Variants in SAR1A observed in about 807,000 individuals in gnomAD.
SAR1A encodes the protein secretion associated Ras related GTPase 1A.
Under a neutral mutation model 22.6 loss-of-function variants are expected in SAR1A, and 6 were observed. The observed-to-expected ratio is 0.27, with a 90% CI of 0.15 to 0.52. The LOEUF (loss-of-function observed/expected upper bound fraction) is 0.52. Ranked by LOEUF, SAR1A falls within the 20% of genes least tolerant of loss-of-function variation. SAR1A has a pLI of 0.96. For synonymous variants in SAR1A, 70 were observed against 82.2 expected, an observed-to-expected ratio of 0.85 and a Z score of 0.80; for missense variants, 145 against 245.1, an observed-to-expected ratio of 0.59 and a Z score of 2.73.
In SAR1A at chr10:70,147,584, AT is replaced by A. The variant is rs1050507282; in HGVS notation, c.*4891del. On this transcript the variant is annotated 3_prime_UTR_variant, in exon 7 of 7. Coordinates refer to ENST00000373241, the MANE Select transcript of SAR1A (RefSeq NM_020150.5). ...TGTCCAAAAATAGCATTCTTTAAAT[AT>A]TTTTTCCAACCATTTAAATATGTAA... 2.0e-5 allele frequency: 3 copies of A among 152,164 alleles called. No homozygotes were observed. Among genetic ancestry groups the A allele is most frequent in the Non-Finnish European group, 2.9e-5 (2 of 68,030 alleles). 9.4% of individuals were successfully genotyped at this position (152,164 alleles called of 1,614,324 possible).
intron 1 of SAR1A, among the ~76,000 whole-genome samples, chr10:70,162,325 G>A (rs895733567): frequency 6.7e-6 from 1 of 149,468 alleles, no homozygotes; most frequent in African/African-American, 2.5e-5. Context: ...GCAACAGAGG[G>A]AGACTCTGAT....
chr10:70,156,348 A>C (rs1462057292), intron 5 of SAR1A, among the ~76,000 whole-genome samples: 1 of 152,166 alleles, frequency 6.6e-6, no homozygotes, highest in African/African-American at 2.4e-5. Context: ...TCCAAAATCA[A>C]GAGTGAAAAG....
chr10:70,160,965 T>C (rs545706799), intron 4 of SAR1A, 39 bp downstream of exon 4: 1 of 1,485,946 alleles, frequency 6.7e-7, no homozygotes, highest in Non-Finnish European at 9.2e-7. Flanking sequence ...ACAAAAAAAA[T>C]AAGTCAATAA....
rs1040800271 is a variant in SAR1A, at chr10:70,161,426, C to T, written c.178+193G>A. The T allele has an allele frequency of 2.2e-5, 14 of 633,254 alleles. No individual in the cohort carries two copies. In the African/African-American group the frequency reaches 2.6e-4, roughly 12 times the overall value. The allele number at this position is 633,254 out of a possible 1,614,324, so 39.2% of individuals were successfully genotyped here. ...TGTCCCTTTACAGGACCAGTGACAA[C>T]AGATAATGACAAAGTTCCAGAGGTT... On this transcript the variant is annotated intron_variant, in intron 3 of 6. Coordinates refer to ENST00000373241, the MANE Select transcript of SAR1A (RefSeq NM_020150.5).
intron 4 of SAR1A, among the ~76,000 whole-genome samples, chr10:70,160,710 A>G (rs141402159): frequency 9.4e-4 from 143 of 152,352 alleles, no homozygotes; most frequent in African/African-American, 2.8e-3. Flanking sequence ...GAGTTTGGCT[A>G]TATCAGGCAA....
chr10:70,161,507 T>C (rs1839467266), intron 3 of SAR1A, 112 bp downstream of exon 3: 11 of 1,291,704 alleles, frequency 8.5e-6, no homozygotes, highest in Admixed American at 4.6e-5. Flanking sequence ...CTCGTATGAG[T>C]TGGCTTTTGG....
chr10:70,153,809 T>TAA lies in SAR1A; in HGVS notation c.480+28_480+29insTT, dbSNP rs1242347321. ...TGTTTTAAAAACTGTTAATGTCCTTTATATGTAACCCAAATATTTTTCTCT... is the reference window on the plus strand; with the variant it reads ...TGTTTTAAAAACTGTTAATGTCCTTTAAATATGTAACCCAAATATTTTTCTCT... On this transcript the variant is annotated intron_variant, in intron 6 of 6. Transcript: ENST00000373241. 2.6e-6 allele frequency: 4 copies of TAA among 1,557,690 alleles called. No individual in the cohort carries two copies. In the African/African-American group the frequency reaches 5.6e-5, roughly 22 times the overall value.
chr10:70,164,437 T>C (rs1839519190), intron 1 of SAR1A, among the ~76,000 whole-genome samples: 1 of 152,180 alleles, frequency 6.6e-6, no homozygotes. Context: ...TTAAAGTAGT[T>C]TTCTTTAGGA....
At chr10:70,154,004 AG>A (rs1280786067) in intron 5 of SAR1A, 35 bp from the exon 6 acceptor site, 1 of 1,508,702 alleles carries the variant, frequency 6.6e-7, no homozygotes, top group Non-Finnish European at 8.9e-7. Context: ...AAGAAAAAAA[AG>A]AATTAAGTGA....
chr10:70,157,709 A>G, intron 5 of SAR1A, 55 bp downstream of exon 5: 1 of 1,321,052 alleles, frequency 7.6e-7, no homozygotes, highest in Non-Finnish European at 1.1e-6. Flanking sequence ...AAAAAAATAG[A>G]GGCCAAAAAA....
intron 1 of SAR1A, among the ~76,000 whole-genome samples, chr10:70,168,929 G>A (rs917430004): frequency 6.6e-6 from 1 of 152,040 alleles, no homozygotes; most frequent in Non-Finnish European, 1.5e-5. Flanking sequence ...AGGCTCAAGA[G>A]ATCCTCCCAC....
intron 1 of SAR1A, among the ~76,000 whole-genome samples, chr10:70,164,288 T>C (rs747888187): frequency 6.6e-6 from 1 of 152,260 alleles, no homozygotes; most frequent in Non-Finnish European, 1.5e-5. Flanking sequence ...CTTACTGTCA[T>C]TGCCCTGAAA....
Position 70,152,456 on chromosome 10 carries a change from T to C in SAR1A, c.*20A>G, listed in dbSNP as rs369021499. On this transcript the variant is annotated 3_prime_UTR_variant, in exon 7 of 7. Coordinates refer to ENST00000373241, the MANE Select transcript of SAR1A (RefSeq NM_020150.5). ...ATCAGTCCAGAGAAGTAAAACTCTT[T>C]TATTTTCACCGTCCAAACATCAGTC... 9.0e-6 allele frequency: 14 copies of C among 1,561,678 alleles called. No individual in the cohort carries two copies. The highest frequency in any genetic ancestry group is 1.2e-5 in the Non-Finnish European group (14 of 1,132,316).
chr10:70,152,646 T>C lies in SAR1A; in HGVS notation c.481-54A>G, dbSNP rs1589872986. The stretch of plus-strand genomic sequence containing the variant: ...GTTAGCATCTCTGTGGTGGAAAAGA[T>C]TGAAAGGACGATCATTACAATCATT... On this transcript the variant is annotated intron_variant, in intron 6 of 6. Coordinates refer to ENST00000373241, the MANE Select transcript of SAR1A (RefSeq NM_020150.5). 6 of 1,155,766 alleles carry C rather than the reference T, an allele frequency of 5.2e-6. No individual in the cohort carries two copies. In the East Asian group the frequency reaches 9.4e-5, roughly 18 times the overall value. 71.6% of individuals were successfully genotyped at this position (1,155,766 alleles called of 1,614,324 possible).
In SAR1A at chr10:70,149,546, G is replaced by GCTTTTTTTTTTTTTTTTT. The variant is rs1564567602; in HGVS notation, c.*2929_*2930insAAAAAAAAAAAAAAAAAG. ...ATTTTGCCAAATGTAGCATTTAATT[G>GCTTTTTTTTTTTTTTTTT]ATTTTTTTTTTTTTTTTTTTTTTGA... On this transcript the variant is annotated 3_prime_UTR_variant, in exon 7 of 7. Transcript: ENST00000373241. 4.2e-5 allele frequency: 1 copy of GCTTTTTTTTTTTTTTTTT among 23,954 alleles called. No individual in the cohort carries two copies. Among genetic ancestry groups the GCTTTTTTTTTTTTTTTTT allele is most frequent in the East Asian group, 1.1e-3 (1 of 874 alleles). 1.5% of individuals were successfully genotyped at this position (23,954 alleles called of 1,614,324 possible).
At chr10:70,158,894 C>T (rs1333149469) in intron 4 of SAR1A, among the ~76,000 whole-genome samples, 1 of 152,060 alleles carries the variant, frequency 6.6e-6, no homozygotes, top group Non-Finnish European at 1.5e-5. Flanking sequence ...TACATCAATA[C>T]ATTTCCCTTC....
intron 1 of SAR1A, among the ~76,000 whole-genome samples, chr10:70,169,841 A>AC (rs1839602548): frequency 6.6e-6 from 1 of 152,140 alleles, no homozygotes; most frequent in Non-Finnish European, 1.5e-5. Context: ...ACATAAGGAA[A>AC]TTTTTCCATG....
At position 70,153,374 on chromosome 10, in the gene SAR1A, T is replaced by C. The variant is rs535855221; in HGVS notation, c.480+464A>G. Among the ~76,000 whole-genome samples the C allele has an allele frequency of 5.9e-5, 9 of 152,346 alleles. No homozygotes were observed. In the South Asian group the frequency reaches 1.9e-3, roughly 32 times the overall value. On this transcript the variant is annotated intron_variant, in intron 6 of 6. Transcript: ENST00000373241. The stretch of plus-strand genomic sequence containing the variant: ...GTAGACCTGAACAAATCACTCTCTG[T>C]TTCTTCCTCTGCAAAATGCGGCCAA...
At position 70,151,357 on chromosome 10, in the gene SAR1A, A is replaced by C. The variant is rs1839325476; in HGVS notation, c.*1119T>G. 6.6e-6 allele frequency: 1 copy of C among 151,732 alleles called. No homozygotes were observed. The highest frequency in any genetic ancestry group is 2.1e-4 in the South Asian group (1 of 4,808). The allele number at this position is 151,732 out of a possible 1,614,324, so 9.4% of individuals were successfully genotyped here. ...TAGGTGTCAAAGGAGAAAAAATGTA[A>C]AAAAAAGAGCTCCCAAACAGCCTGA... On this transcript the variant is annotated 3_prime_UTR_variant, in exon 7 of 7. Transcript: ENST00000373241.
Sources: allele counts gnomAD v4.1 joint callset (sites outside exome capture counted in the v4.1 genomes callset), GRCh38; gene constraint gnomAD v4.1.1; transcripts MANE v1.5; gene names NCBI Gene and HGNC (gene_info 2026-07-23, HGNC 2026-07-21).